Variants in SYT1 observed in about 807,000 individuals in gnomAD.
The protein encoded by SYT1 is synaptotagmin 1.
A neutral mutation model predicts 44.8 loss-of-function variants in SYT1; 8 were observed. The ratio of observed to expected loss-of-function variants is 0.18; its 90% confidence interval spans 0.10 to 0.32. The LOEUF (loss-of-function observed/expected upper bound fraction) is 0.32, where lower values mean the gene tolerates loss of function less well. Among genes scored for constraint, SYT1 ranks in the 10% least tolerant of loss-of-function variants. The probability of loss-of-function intolerance (pLI) is 1.00; values close to 1 mark genes in which losing one functional copy is unlikely to be tolerated. For synonymous variants in SYT1, 154 were observed against 188.8 expected (o/e 0.82, Z 1.51); for missense variants, 286 against 509.3 (o/e 0.56, Z 4.22).
At chr12:78,887,015 T>G (rs2137066588) in intron 1 of SYT1, among the ~76,000 whole-genome samples, 1 of 152,144 alleles carries the variant, frequency 6.6e-6, no homozygotes, top group Admixed American at 6.6e-5. Flanking sequence ...CCCATGATAC[T>G]TGCACTTTCT....
At chr12:78,874,928 AAGGGT>A in intron 1 of SYT1, among the ~76,000 whole-genome samples, 1 of 151,742 alleles carries the variant, frequency 6.6e-6, no homozygotes, top group Admixed American at 6.6e-5. Context: ...TTTAATGCAG[AAGGGT>A]AGATAGTCTT....
At chr12:78,891,951 A>G (rs1044317924) in intron 1 of SYT1, among the ~76,000 whole-genome samples, 5 of 151,898 alleles carry the variant, frequency 3.3e-5, no homozygotes, top group Non-Finnish European at 7.4e-5. Flanking sequence ...TGTGCAATCA[A>G]TAGAAGACCT....
At chr12:79,404,822 C>T (rs576309387) in intron 9 of SYT1, among the ~76,000 whole-genome samples, 87 of 152,180 alleles carry the variant, frequency 5.7e-4, no homozygotes, top group Non-Finnish European at 7.6e-4. Context: ...TCAGCTATCA[C>T]GAAAAAGATT....
At chr12:79,046,208 G>T (rs1230888375) in intron 2 of SYT1, 1 of 152,180 alleles carries the variant, frequency 6.6e-6, no homozygotes, top group Admixed American at 6.6e-5. Context: ...TGCAGTAAAT[G>T]AGGTTTTGGA....
chr12:78,912,986 A>G (rs1475511865), intron 1 of SYT1, among the ~76,000 whole-genome samples: 1 of 151,902 alleles, frequency 6.6e-6, no homozygotes, highest in Non-Finnish European at 1.5e-5. Flanking sequence ...ATTATAAGTA[A>G]AGTTATTTTT....
chr12:78,916,197 T>C (rs1876643749), intron 1 of SYT1, among the ~76,000 whole-genome samples: 1 of 152,070 alleles, frequency 6.6e-6, no homozygotes, highest in Admixed American at 6.6e-5. Context: ...GCATTAACAT[T>C]ATGGTATAGG....
chr12:79,121,181 C>T (rs1879583063), intron 3 of SYT1, among the ~76,000 whole-genome samples: 1 of 151,944 alleles, frequency 6.6e-6, no homozygotes, highest in Non-Finnish European at 1.5e-5. Flanking sequence ...TCTGGCAAAC[C>T]CATTTTCCAA....
At chr12:78,943,465 C>A (rs967396973) in intron 1 of SYT1, among the ~76,000 whole-genome samples, 4 of 152,126 alleles carry the variant, frequency 2.6e-5, no homozygotes, top group African/African-American at 9.7e-5. Flanking sequence ...AAATAGATTT[C>A]TTATGAACTC....
At chr12:79,379,669 G>A (rs906431668) in intron 9 of SYT1, among the ~76,000 whole-genome samples, 1 of 151,854 alleles carries the variant, frequency 6.6e-6, no homozygotes, top group African/African-American at 2.4e-5. Context: ...TGTAGTAATC[G>A]TGTATATGTT....
intron 1 of SYT1, among the ~76,000 whole-genome samples, chr12:78,938,326 T>A (rs892721402): frequency 2.0e-5 from 3 of 152,150 alleles, no homozygotes; most frequent in African/African-American, 7.2e-5. Flanking sequence ...GTCTGACAAC[T>A]CACCCTTTCC....
intron 1 of SYT1, among the ~76,000 whole-genome samples, chr12:78,951,031 G>C (rs1402116536): frequency 6.6e-6 from 1 of 152,074 alleles, no homozygotes; most frequent in Non-Finnish European, 1.5e-5. Context: ...TAGTATATTG[G>C]AACTAATTGG....
intron 4 of SYT1, among the ~76,000 whole-genome samples, chr12:79,277,754 A>G (rs547165054): frequency 6.6e-6 from 1 of 152,050 alleles, no homozygotes; most frequent in Non-Finnish European, 1.5e-5. Flanking sequence ...CCAAATATCT[A>G]CCTCCTTCAA....
intron 1 of SYT1, among the ~76,000 whole-genome samples, chr12:78,886,767 G>A (rs1430976842): frequency 6.6e-6 from 1 of 151,970 alleles, no homozygotes; most frequent in African/African-American, 2.4e-5. Context: ...TTGGAGAAAA[G>A]TGTATGATAG....
chr12:79,416,596 TA>T (rs1180827878), intron 9 of SYT1, among the ~76,000 whole-genome samples: 1 of 152,164 alleles, frequency 6.6e-6, no homozygotes, highest in Admixed American at 6.6e-5. Context: ...AAATATCTTT[TA>T]AAAAACTCAG....
At chr12:78,991,559 G>T (rs1870021949) in intron 2 of SYT1, among the ~76,000 whole-genome samples, 1 of 152,046 alleles carries the variant, frequency 6.6e-6, no homozygotes, top group Non-Finnish European at 1.5e-5. Context: ...GAGAAGAGAA[G>T]AATTCATGAT....
At chr12:79,428,379 G>A (rs964201185) in intron 9 of SYT1, among the ~76,000 whole-genome samples, 1 of 152,138 alleles carries the variant, frequency 6.6e-6, no homozygotes, top group African/African-American at 2.4e-5. Context: ...TATTCTAGAT[G>A]ATGCTCTGGA....
intron 9 of SYT1, among the ~76,000 whole-genome samples, chr12:79,358,340 T>C (rs1012741550): frequency 3.9e-5 from 6 of 152,260 alleles, no homozygotes; most frequent in African/African-American, 1.4e-4. Flanking sequence ...TACTTCAATC[T>C]GAGAATTATT....
At chr12:78,912,039 G>T (rs899066775) in intron 1 of SYT1, among the ~76,000 whole-genome samples, 5 of 151,856 alleles carry the variant, frequency 3.3e-5, no homozygotes, top group African/African-American at 1.2e-4. Flanking sequence ...TCCCAGGTGA[G>T]TTTCCATATT....
intron 9 of SYT1, among the ~76,000 whole-genome samples, chr12:79,405,663 C>T (rs1885218261): frequency 6.6e-6 from 1 of 152,102 alleles, no homozygotes. Context: ...CCTCTGTAAA[C>T]AGTAGAGTAG....
Sources: allele counts gnomAD v4.1 joint callset (sites outside exome capture counted in the v4.1 genomes callset), GRCh38; gene constraint gnomAD v4.1.1; transcripts MANE v1.5; gene names NCBI Gene and HGNC (gene_info 2026-07-23, HGNC 2026-07-21).